Variants in KIAA1671 observed in about 807,000 individuals in gnomAD.
KIAA1671 encodes the protein uncharacterized protein KIAA1671.
Under a neutral mutation model 131.2 loss-of-function variants are expected in KIAA1671, and 52 were observed. The observed-to-expected ratio is 0.40, with a 90% CI of 0.32 to 0.50. The LOEUF (loss-of-function observed/expected upper bound fraction) is 0.50. Ranked by LOEUF, KIAA1671 falls within the 20% of genes least tolerant of loss-of-function variation. The pLI, the probability that KIAA1671 is intolerant of heterozygous loss-of-function variation, is 0.73. For missense variants in KIAA1671, 2,360 were observed against 2,364.2 expected (o/e 1.00, Z 0.04); for synonymous variants, 1,003 against 961.6 (o/e 1.04, Z -0.80).
intron 6 of KIAA1671, among the ~76,000 whole-genome samples, chr22:25,144,764 G>A (rs1932852138): frequency 6.6e-6 from 1 of 152,126 alleles, no homozygotes; most frequent in Admixed American, 6.5e-5. Flanking sequence ...GCATAGAAAG[G>A]GAGGGACTTA....
intron 6 of KIAA1671, among the ~76,000 whole-genome samples, chr22:25,166,989 C>T (rs1044809344): frequency 6.6e-6 from 1 of 152,178 alleles, no homozygotes; most frequent in Admixed American, 6.5e-5. Context: ...CAGCATCTGG[C>T]CTCTGAATCT....
At chr22:25,088,425 TCAAA>T (rs1330635339) in intron 6 of KIAA1671, among the ~76,000 whole-genome samples, 1 of 152,080 alleles carries the variant, frequency 6.6e-6, no homozygotes, top group Non-Finnish European at 1.5e-5. Context: ...CTTTCATTCC[TCAAA>T]CACTTACTGA....
chr22:24,970,347 G>A (rs1922532217), intron 1 of KIAA1671, among the ~76,000 whole-genome samples: 1 of 152,228 alleles, frequency 6.6e-6, no homozygotes, highest in Admixed American at 6.5e-5. Flanking sequence ...GAAAGGGCTG[G>A]GGGAGCCATA....
intron 6 of KIAA1671, among the ~76,000 whole-genome samples, chr22:25,066,741 G>A (rs908338501): frequency 6.6e-6 from 1 of 151,646 alleles, no homozygotes; most frequent in Non-Finnish European, 1.5e-5. Context: ...CTTAGGGGAG[G>A]AAGCCTACTT....
chr22:25,098,828 C>T (rs533328744), intron 6 of KIAA1671, among the ~76,000 whole-genome samples: 13 of 152,328 alleles, frequency 8.5e-5, no homozygotes, highest in Non-Finnish European at 1.8e-4. Context: ...CTGCCCTCTC[C>T]GCCCACCCCA....
intron 6 of KIAA1671, among the ~76,000 whole-genome samples, chr22:25,069,667 C>T (rs1250956222): frequency 6.6e-6 from 1 of 152,192 alleles, no homozygotes; most frequent in South Asian, 2.1e-4. Context: ...GATGGCCACA[C>T]CCTCCTTCTG....
At chr22:25,184,563 A>G (rs1009827665) in intron 10 of KIAA1671, among the ~76,000 whole-genome samples, 1 of 152,128 alleles carries the variant, frequency 6.6e-6, no homozygotes, top group African/African-American at 2.4e-5. Flanking sequence ...CGGTTTTCTT[A>G]TGGGACTCTA....
chr22:24,986,319 A>C (rs1923529420), intron 1 of KIAA1671, among the ~76,000 whole-genome samples: 2 of 152,134 alleles, frequency 1.3e-5, no homozygotes, highest in Non-Finnish European at 1.5e-5. Flanking sequence ...GGGATACCAA[A>C]ATCCCCAGAA....
rs117242613 is a variant in KIAA1671, at chr22:24,992,923, G to A, written c.-207-32710G>A. Among the ~76,000 whole-genome samples, 462 of 151,980 alleles carry A rather than the reference G, an allele frequency of 3.0e-3. 8 individuals are homozygous for A. The East Asian group carries it at 0.061, about 20-fold the overall frequency. ...GCAGATAGGTTTAACCCATCTGAGA[G>A]GTGGGGAAACTGAGGTTTGGGAAGT... is the stretch of plus-strand genomic sequence containing the variant. On this transcript the variant is annotated intron_variant, in intron 1 of 12. Coordinates refer to ENST00000358431, the MANE Select transcript of KIAA1671 (RefSeq NM_001145206.2).
intron 3 of KIAA1671, among the ~76,000 whole-genome samples, chr22:25,031,193 ATTT>A (rs58221822): frequency 0.04 from 4,503 of 113,396 alleles, 119 homozygotes; most frequent in African/African-American, 0.11. Flanking sequence ...CACCCAGCTA[ATTT>A]TTTTTTTTTT....
At chr22:25,119,302 C>T (rs978745289) in intron 6 of KIAA1671, among the ~76,000 whole-genome samples, 5 of 152,110 alleles carry the variant, frequency 3.3e-5, no homozygotes, top group Admixed American at 2.6e-4. Context: ...AAGAAGTGTA[C>T]GGCCACATCA....
chr22:25,080,358 T>C (rs1929340434), intron 6 of KIAA1671, among the ~76,000 whole-genome samples: 1 of 152,040 alleles, frequency 6.6e-6, no homozygotes, highest in Non-Finnish European at 1.5e-5. Context: ...AAAACACCAA[T>C]CCCTGTTGTG....
At chr22:25,165,871 G>A (rs1291775352) in intron 6 of KIAA1671, among the ~76,000 whole-genome samples, 1 of 152,088 alleles carries the variant, frequency 6.6e-6, no homozygotes, top group African/African-American at 2.4e-5. Context: ...AGGAGCCAGT[G>A]GGAGGGACTG....
intron 6 of KIAA1671, among the ~76,000 whole-genome samples, chr22:25,095,345 A>G (rs111440364): frequency 0.017 from 2,659 of 152,316 alleles, 31 homozygotes; most frequent in Middle Eastern, 0.051. Context: ...TACAAATGCT[A>G]TGCATCTCTA....
intron 1 of KIAA1671, among the ~76,000 whole-genome samples, chr22:24,990,660 A>G (rs5760775): frequency 0.21 from 31,914 of 152,240 alleles, 4,736 homozygotes; most frequent in African/African-American, 0.42. Context: ...TGTGGGACAC[A>G]GCAGGCACCT....
At chr22:25,080,760 C>T (rs1332790780) in intron 6 of KIAA1671, among the ~76,000 whole-genome samples, 1 of 152,150 alleles carries the variant, frequency 6.6e-6, no homozygotes, top group Non-Finnish European at 1.5e-5. Context: ...CAAGCAGGAC[C>T]ACTGCCCTGC....
At chr22:25,106,745 T>C (rs1931023559) in intron 6 of KIAA1671, among the ~76,000 whole-genome samples, 1 of 152,208 alleles carries the variant, frequency 6.6e-6, no homozygotes, top group Admixed American at 6.5e-5. Context: ...ATGCAAAAAT[T>C]TGTGATGAGA....
intron 6 of KIAA1671, among the ~76,000 whole-genome samples, chr22:25,116,382 AGTATGTATGTAT>A (rs139621283): frequency 0.014 from 1,961 of 139,142 alleles, 28 homozygotes; most frequent in Non-Finnish European, 0.02. Context: ...CCCCTCCACC[AGTATGTATGTAT>A]GTATGTATGT....
chr22:25,096,126 G>A (rs1201813373), intron 6 of KIAA1671, among the ~76,000 whole-genome samples: 1 of 152,202 alleles, frequency 6.6e-6, no homozygotes, highest in African/African-American at 2.4e-5. Flanking sequence ...GAGGAATTCT[G>A]TTGTGTGTCC....
Sources: allele counts gnomAD v4.1 joint callset (sites outside exome capture counted in the v4.1 genomes callset), GRCh38; gene constraint gnomAD v4.1.1; transcripts MANE v1.5; gene names NCBI Gene and HGNC (gene_info 2026-07-23, HGNC 2026-07-21).